The following GDAP1 variants were observed in gnomAD, a reference collection of about 807,000 sequenced individuals.
GDAP1 encodes the protein ganglioside-induced differentiation-associated protein 1.
In GDAP1, 34 loss-of-function variants were observed where a neutral mutation model predicts 40.1. That is an observed-to-expected ratio of 0.85 (90% CI 0.64 to 1.13). GDAP1 has a LOEUF of 1.13. Ranked by LOEUF, GDAP1 falls within the 50% of genes most tolerant of loss-of-function variation. The probability of loss-of-function intolerance (pLI) is 0.00; values close to 1 mark genes in which losing one functional copy is unlikely to be tolerated. For synonymous variants in GDAP1, 170 were observed against 157.4 expected, an observed-to-expected ratio of 1.08 and a Z score of -0.60; for missense variants, 374 against 433.7, an observed-to-expected ratio of 0.86 and a Z score of 1.22.
At chr8:74,376,539 CAG>C (rs1809855927) in intron 2 of GDAP1, 1 of 152,156 alleles carries the variant, frequency 6.6e-6, no homozygotes, top group Non-Finnish European at 1.5e-5. Context: ...TTAGTAGAGA[CAG>C]GGTTTCACTG....
intron 2 of GDAP1, among the ~76,000 whole-genome samples, chr8:74,373,365 G>C (rs1273332554): frequency 1.3e-5 from 2 of 152,160 alleles, no homozygotes; most frequent in African/African-American, 4.8e-5. Flanking sequence ...CCATTTTCAC[G>C]ATATTGATTC....
chr8:74,367,428 A>C (rs576658634), downstream of GDAP1, among the ~76,000 whole-genome samples: 2 of 152,300 alleles, frequency 1.3e-5, no homozygotes, highest in South Asian at 4.1e-4. Context: ...TCTAATTGGC[A>C]TTGTTTTCCT....
chr8:74,445,053 T>C (rs1806210678), intron 2 of GDAP1, among the ~76,000 whole-genome samples: 1 of 152,190 alleles, frequency 6.6e-6, no homozygotes, highest in Non-Finnish European at 1.5e-5. Context: ...TTCCTTTGTA[T>C]ATTTTGAGGG....
chr8:74,441,553 T>C (rs1407541024), intron 2 of GDAP1, among the ~76,000 whole-genome samples: 2 of 152,166 alleles, frequency 1.3e-5, no homozygotes, highest in Admixed American at 1.3e-4. Flanking sequence ...AAAAGATTAA[T>C]GAGATAGGGC....
At chr8:74,487,793 A>T (rs1241536561) in intron 2 of GDAP1, among the ~76,000 whole-genome samples, 1 of 152,126 alleles carries the variant, frequency 6.6e-6, no homozygotes, top group Non-Finnish European at 1.5e-5. Flanking sequence ...CTCTGGATTG[A>T]GCTTTGAGGT....
intron 2 of GDAP1, among the ~76,000 whole-genome samples, chr8:74,375,051 G>A (rs1472828531): frequency 7.0e-6 from 1 of 143,716 alleles, no homozygotes; most frequent in Non-Finnish European, 1.5e-5. Flanking sequence ...TATTGGGCCA[G>A]GTGTGGAGGC....
chr8:74,466,143 T>C (rs963449623), intron 2 of GDAP1, among the ~76,000 whole-genome samples: 2 of 152,232 alleles, frequency 1.3e-5, no homozygotes, highest in African/African-American at 2.4e-5. Context: ...GCTTAAAATA[T>C]GCTTTGCAAA....
intron 2 of GDAP1, among the ~76,000 whole-genome samples, chr8:74,354,408 C>G (rs1218427881): frequency 6.6e-6 from 1 of 152,120 alleles, no homozygotes; most frequent in Non-Finnish European, 1.5e-5. Flanking sequence ...TTGTAGGCTT[C>G]TTTTTTGACT....
At chr8:74,458,640 G>A (rs1445691185) in intron 2 of GDAP1, among the ~76,000 whole-genome samples, 1 of 152,166 alleles carries the variant, frequency 6.6e-6, no homozygotes, top group African/African-American at 2.4e-5. Context: ...TTCAAGACTA[G>A]TTCTCAAGTT....
intron 2 of GDAP1, among the ~76,000 whole-genome samples, chr8:74,374,142 T>C (rs1207346140): frequency 3.3e-5 from 5 of 152,202 alleles, no homozygotes; most frequent in Non-Finnish European, 7.3e-5. Flanking sequence ...TTTGATGTGC[T>C]GCTGAATTCG....
intron 2 of GDAP1, among the ~76,000 whole-genome samples, chr8:74,408,477 TA>T (rs1375675620): frequency 6.7e-6 from 1 of 149,980 alleles, no homozygotes; most frequent in African/African-American, 2.5e-5. Context: ...AGCGTCCTTA[TA>T]AAAGAGGCTT....
intron 2 of GDAP1, among the ~76,000 whole-genome samples, chr8:74,431,223 A>G (rs958985288): frequency 1.1e-4 from 17 of 150,990 alleles, no homozygotes; most frequent in Middle Eastern, 6.8e-3. Context: ...GTGAACATAG[A>G]CTGGTTATTT....
At chr8:74,373,179 G>A (rs1298978116) in intron 2 of GDAP1, among the ~76,000 whole-genome samples, 3 of 152,154 alleles carry the variant, frequency 2.0e-5, no homozygotes, top group Admixed American at 1.3e-4. Flanking sequence ...ATAGTTTGAA[G>A]TCAGGTAGCA....
intron 2 of GDAP1, among the ~76,000 whole-genome samples, chr8:74,424,656 A>T (rs190273873): frequency 6.6e-6 from 1 of 152,172 alleles, no homozygotes; most frequent in East Asian, 1.9e-4. Flanking sequence ...TGACAACTGT[A>T]TTGCAATATA....
At chr8:74,446,940 A>AT (rs1806236937) in intron 2 of GDAP1, among the ~76,000 whole-genome samples, 1 of 151,922 alleles carries the variant, frequency 6.6e-6, no homozygotes, top group African/African-American at 2.4e-5. Context: ...ATGGGTACTG[A>AT]TTTTTTTGGG....
intron 2 of GDAP1, among the ~76,000 whole-genome samples, chr8:74,381,096 GTC>G (rs1554550255): frequency 6.6e-6 from 1 of 151,790 alleles, no homozygotes; most frequent in East Asian, 1.9e-4. Flanking sequence ...GTGTGTGTGT[GTC>G]TGTGTGTGTG....
rs988936265 is a variant in GDAP1 at position 74,365,292 on chromosome 8, A to G, written c.*925A>G. The stretch of plus-strand genomic sequence containing the variant: ...ATCTTTCATCTGTTTATGATCATCA[A>G]CAAAGACTTGTTAGAAAGGTCTAGT... On this transcript the variant is annotated 3_prime_UTR_variant, in exon 6 of 6. Coordinates refer to ENST00000220822, the MANE Select transcript of GDAP1 (RefSeq NM_018972.4). 4.4e-6 allele frequency: 2 copies of G among 454,116 alleles called. No individual in the cohort carries two copies. Among genetic ancestry groups the G allele is most frequent in the African/African-American group, 2.0e-5 (1 of 50,134 alleles). The allele number at this position is 454,116 out of a possible 1,614,324, so 28.1% of individuals were successfully genotyped here. A position where few individuals can be genotyped will look rare whatever the true frequency, so the allele number is the denominator to read the frequency against.
At chr8:74,484,711 G>C (rs1438953134) in intron 2 of GDAP1, among the ~76,000 whole-genome samples, 1 of 152,036 alleles carries the variant, frequency 6.6e-6, no homozygotes, top group South Asian at 2.1e-4. Context: ...ACACACAGAG[G>C]AACATCAGTA....
intron 2 of GDAP1, among the ~76,000 whole-genome samples, chr8:74,416,347 G>A (rs963627939): frequency 6.7e-6 from 1 of 150,120 alleles, no homozygotes; most frequent in Non-Finnish European, 1.5e-5. Flanking sequence ...CATGAGGCAT[G>A]CACAAATCTC....
Sources: gnomAD v4.1 joint callset for allele counts (sites outside exome capture counted in the v4.1 genomes callset) on GRCh38, gnomAD v4.1.1 for gene constraint, MANE v1.5 for transcripts, NCBI Gene and HGNC (gene_info 2026-07-23, HGNC 2026-07-21) for gene names.